The following ANKRD18B variants were observed in gnomAD, a reference collection of about 807,000 sequenced individuals.
ANKRD18B encodes ankyrin repeat domain 18B.
ANKRD18B carries 75 observed loss-of-function variants against 111.8 expected under a neutral mutation model. The observed-to-expected ratio is 0.67, with a 90% confidence interval of 0.56 to 0.81. The LOEUF (loss-of-function observed/expected upper bound fraction) is 0.81, where lower values mean the gene tolerates loss of function less well. ANKRD18B is among the 40% of genes least tolerant of loss of function. The probability of loss-of-function intolerance (pLI) is 0.00; values close to 1 mark genes in which losing one functional copy is unlikely to be tolerated. For missense variants in ANKRD18B, 1,038 were observed against 1,225.5 expected, an observed-to-expected ratio of 0.85 and a Z score of 2.28; for synonymous variants, 356 against 417.3, an observed-to-expected ratio of 0.85 and a Z score of 1.79.
At chr9:33,534,160 G>T (rs1828159566) in intron 4 of ANKRD18B, among the ~76,000 whole-genome samples, 1 of 152,110 alleles carries the variant, frequency 6.6e-6, no homozygotes, top group Non-Finnish European at 1.5e-5. Flanking sequence ...CACGAAGCTT[G>T]CTTGTTGTCC....
At chr9:33,573,981 C>T (rs1341206349), downstream of ANKRD18B, among the ~76,000 whole-genome samples, 2 of 143,328 alleles carry the variant, frequency 1.4e-5, no homozygotes, top group Admixed American at 7.1e-5. Flanking sequence ...AAAAACTGGT[C>T]GGTGGGGTGT....
intron 14 of ANKRD18B, among the ~76,000 whole-genome samples, chr9:33,565,556 T>C (rs1828672293): frequency 2.0e-5 from 3 of 152,178 alleles, no homozygotes; most frequent in Admixed American, 1.3e-4. Context: ...CCCTGAACTC[T>C]GGGTACAAGC....
At chr9:33,542,306 A>G (rs1233408186) in intron 9 of ANKRD18B, among the ~76,000 whole-genome samples, 1 of 149,676 alleles carries the variant, frequency 6.7e-6, no homozygotes, top group African/African-American at 2.5e-5. Context: ...AAGAAAGGAG[A>G]CACCTGTGTA....
At chr9:33,542,004 T>G (rs1459053384) in intron 9 of ANKRD18B, among the ~76,000 whole-genome samples, 2 of 152,090 alleles carry the variant, frequency 1.3e-5, no homozygotes, top group African/African-American at 4.8e-5. Context: ...GCCTGGCATG[T>G]GCTATCTTTC....
At chr9:33,553,475 C>T (rs900181659) in intron 12 of ANKRD18B, among the ~76,000 whole-genome samples, 4 of 152,110 alleles carry the variant, frequency 2.6e-5, no homozygotes, top group African/African-American at 9.7e-5. Flanking sequence ...TAATAAGGGG[C>T]AGCTTTAAAC....
chr9:33,572,367 C>G lies in ANKRD18B; in HGVS notation c.3275C>G (p.Thr1092Ser). 6 of 1,611,054 alleles carry G rather than the reference C, an allele frequency of 3.7e-6. No individual in the cohort carries two copies. The highest frequency in any genetic ancestry group is 5.1e-6 in the Non-Finnish European group (6 of 1,178,602). Residue 1092 changes from threonine to serine, a missense_variant, in exon 19 of 19, where the codon ACT becomes AGT. Around this residue, in one of 4 missense-constraint regions of ANKRD18B, gnomAD observed 524 missense variants for 677.9 expected, o/e 0.77. Transcript: ENST00000684830. ...TATCTACTTTCTTCTCTAGAATCCA[C>G]TGGTAAGCCACATCTAATGAAGAGA... The part of the protein sequence containing the change: ...CSYLLSSLES[T>S]GKPHLMKRIF...
intron 14 of ANKRD18B, among the ~76,000 whole-genome samples, chr9:33,563,098 C>T (rs1828631013): frequency 6.6e-6 from 1 of 152,140 alleles, no homozygotes; most frequent in Non-Finnish European, 1.5e-5. Context: ...CACCTCTCTC[C>T]TGGTTATCTG....
At chr9:33,524,847 TGTAGCGCTTGGTG>T (rs1459156476) in intron 1 of ANKRD18B, among the ~76,000 whole-genome samples, 152 bp downstream of exon 1, 2 of 152,234 alleles carry the variant, frequency 1.3e-5, no homozygotes, top group Non-Finnish European at 2.9e-5. Flanking sequence ...ATTTCCCGCC[TGTAGCGCTTGGTG>T]GATAATTGGA....
At chr9:33,544,692 C>G (rs1828329824) in intron 10 of ANKRD18B, among the ~76,000 whole-genome samples, 2 of 152,038 alleles carry the variant, frequency 1.3e-5, no homozygotes, top group African/African-American at 4.8e-5. Context: ...ACAAAATTAG[C>G]TGGGTGTGGT....
rs1554647416 is a variant in ANKRD18B, at chr9:33,541,192, G to A, written c.1043G>A (p.Arg348Lys). The change falls in exon 9 of 19, where the codon AGA becomes AAA. Residue 348 changes from arginine (R) to lysine (K), a missense_variant. This residue lies in a region of ANKRD18B where 205 missense variants were observed against 201.3 expected (regional missense o/e 1.02). Transcript: ENST00000684830. ...GAAAATTTGAAAAAAAGAAAAAAAA[G>A]AAAAAAATTGAAAAAAAGAAAAGAA... The part of the protein sequence containing the change: ...KPENLKKRKK[R>K]KKLKKRKEGA... 2.6e-6 allele frequency: 4 copies of A among 1,541,788 alleles called. No individual in the cohort carries two copies. In the South Asian group the frequency reaches 3.7e-5, roughly 14 times the overall value.
chr9:33,541,631 G>C (rs1828280688), intron 9 of ANKRD18B, among the ~76,000 whole-genome samples: 1 of 152,110 alleles, frequency 6.6e-6, no homozygotes, highest in Non-Finnish European at 1.5e-5. Flanking sequence ...CTAGAACTTT[G>C]AGCCTGCAGT....
In ANKRD18B at chr9:33,558,053, T is replaced by C. The variant is rs533992040; in HGVS notation, c.2331-5T>C. 2.5e-6 allele frequency: 4 copies of C among 1,581,702 alleles called. No homozygotes were observed. The African/African-American group carries it at 5.4e-5, about 21-fold the overall frequency. On this transcript the variant is annotated splice_region_variant and splice_polypyrimidine_tract_variant and intron_variant, in intron 13 of 18. Transcript: ENST00000684830. The stretch of plus-strand genomic sequence containing the variant: ...CTTGACTTACCAGTTCTTACATTTC[T>C]GCAGATATAAGAAATGCCTAGAAAT...
At chr9:33,571,214 A>G (rs868663720) in intron 17 of ANKRD18B, 32 bp from the exon 18 acceptor site, 6 of 835,110 alleles carry the variant, frequency 7.2e-6, no homozygotes, top group Non-Finnish European at 8.7e-6. Context: ...TAACTTAAAC[A>G]TTATTATTAT....
chr9:33,535,690 A>G (rs1218597797), intron 5 of ANKRD18B, among the ~76,000 whole-genome samples: 1 of 146,686 alleles, frequency 6.8e-6, no homozygotes, highest in Admixed American at 6.8e-5. Context: ...ATTGTATATT[A>G]TATGTAATTA....
chr9:33,543,623 A>G (rs1193178246), intron 10 of ANKRD18B, among the ~76,000 whole-genome samples: 2 of 152,196 alleles, frequency 1.3e-5, no homozygotes, highest in African/African-American at 4.8e-5. Context: ...CTCATGTGAA[A>G]GGAGTCATCA....
At chr9:33,538,371 C>T (rs1468626374) in intron 6 of ANKRD18B, among the ~76,000 whole-genome samples, 1 of 152,150 alleles carries the variant, frequency 6.6e-6, no homozygotes, top group Non-Finnish European at 1.5e-5. Flanking sequence ...GATATATTCA[C>T]TTCTTAGAAC....
intron 17 of ANKRD18B, among the ~76,000 whole-genome samples, chr9:33,569,326 A>T (rs905695132): frequency 3.6e-5 from 5 of 137,298 alleles, no homozygotes; most frequent in African/African-American, 1.4e-4. Flanking sequence ...GTGCAGTGGC[A>T]TGATCTCAGC....
intron 11 of ANKRD18B, 66 bp from the exon 12 acceptor site, chr9:33,550,364 G>A (rs535571): frequency 1.4e-6 from 2 of 1,433,752 alleles, no homozygotes; most frequent in East Asian, 2.5e-5. Context: ...GTATGCTAGA[G>A]TTAAATATTA....
chr9:33,541,330 T>G (rs565847576), intron 9 of ANKRD18B, 103 bp downstream of exon 9: 2 of 1,439,290 alleles, frequency 1.4e-6, no homozygotes, highest in East Asian at 5.0e-5. Flanking sequence ...CACAAATCCA[T>G]GGAGTACATC....
Sources: gnomAD v4.1 joint callset for allele counts (sites outside exome capture counted in the v4.1 genomes callset) on GRCh38, gnomAD v4.1.1 for gene constraint, gnomAD v4.1.1 regional missense constraint, MANE v1.5 for transcripts, NCBI Gene and HGNC (gene_info 2026-07-23, HGNC 2026-07-21) for gene names.